CTNND2: variants seen among roughly 807,000 people sequenced by gnomAD.
CTNND2 encodes the protein catenin delta-2.
Under a neutral mutation model 144.4 loss-of-function variants are expected in CTNND2, and 22 were observed. The ratio of observed to expected loss-of-function variants is 0.15; its 90% confidence interval spans 0.11 to 0.22. CTNND2 has a LOEUF of 0.22. Among genes scored for constraint, CTNND2 ranks in the 10% least tolerant of loss-of-function variants. CTNND2 has a pLI of 1.00. For missense variants in CTNND2, 1,353 were observed against 1,618.8 expected (o/e 0.84, Z 2.82); for synonymous variants, 751 against 695.6 (o/e 1.08, Z -1.25).
chr5:11,439,668 G>A (rs1456309075), intron 3 of CTNND2, among the ~76,000 whole-genome samples: 1 of 151,884 alleles, frequency 6.6e-6, no homozygotes, highest in African/African-American at 2.4e-5. Flanking sequence ...CAGTAGCTAG[G>A]GGTACAAAAC....
Position 11,865,907 on chromosome 5 carries a change from A to AAAAAAC in CTNND2, c.37+37909_37+37910insGTTTTT, listed in dbSNP as rs1795745426. Among the ~76,000 whole-genome samples the AAAAAAC allele has an allele frequency of 1.3e-5, 2 of 149,406 alleles. 1 individual carries two copies. The highest frequency in any genetic ancestry group is 1.3e-4 in the Admixed American group (2 of 15,024). On this transcript the variant is annotated intron_variant, in intron 1 of 21. Coordinates refer to ENST00000304623, the MANE Select transcript of CTNND2 (RefSeq NM_001332.4). ...CCTTTAGAAGCTGGAAGAGACAAAAAAAAAAAAACGAGTTCTCCTCTAGAG... is the reference window on the plus strand; with the variant it reads ...CCTTTAGAAGCTGGAAGAGACAAAAAAAAAACAAAAAAAACGAGTTCTCCTCTAGAG...
In CTNND2 at chr5:11,639,617, C is replaced by G. The variant is rs1781889841; in HGVS notation, c.175-74561G>C. Among the ~76,000 whole-genome samples, 4 of 152,046 alleles carry G rather than the reference C, an allele frequency of 2.6e-5. No individual in the cohort carries two copies. In the South Asian group the frequency reaches 8.3e-4, roughly 32 times the overall value. On this transcript the variant is annotated intron_variant, in intron 2 of 21. Transcript: ENST00000304623. ...CATTGCTTAGTAAATACGGAAAATT[C>G]TGGTTAGGGAAAACAAACATACTAG...
chr5:11,629,978 T>C (rs560800283), intron 2 of CTNND2, among the ~76,000 whole-genome samples: 11 of 152,306 alleles, frequency 7.2e-5, no homozygotes, highest in African/African-American at 2.2e-4. Flanking sequence ...AAACTTTTTT[T>C]CCCCCAAATA....
At chr5:11,758,454 T>C (rs1010035461) in intron 1 of CTNND2, among the ~76,000 whole-genome samples, 2 of 152,018 alleles carry the variant, frequency 1.3e-5, no homozygotes, top group Non-Finnish European at 2.9e-5. Context: ...ATTCGTCCTG[T>C]CTAATGGAAA....
intron 10 of CTNND2, among the ~76,000 whole-genome samples, chr5:11,205,329 A>G (rs538519155): frequency 6.6e-6 from 1 of 152,224 alleles, no homozygotes; most frequent in Non-Finnish European, 1.5e-5. Flanking sequence ...ACTGGTTTAT[A>G]GAAAGAGCTG....
At chr5:11,598,056 A>T in intron 2 of CTNND2, among the ~76,000 whole-genome samples, 1 of 152,186 alleles carries the variant, frequency 6.6e-6, no homozygotes, top group Non-Finnish European at 1.5e-5. Context: ...GTTTAGCCTT[A>T]AAGTAAAATG....
chr5:11,116,191 G>A (rs1045064603), intron 13 of CTNND2, among the ~76,000 whole-genome samples: 11 of 152,186 alleles, frequency 7.2e-5, no homozygotes, highest in African/African-American at 2.7e-4. Context: ...TTCTAATAAA[G>A]AGTCAGAATG....
chr5:11,568,964 A>G (rs567325945), intron 2 of CTNND2, among the ~76,000 whole-genome samples: 2 of 152,232 alleles, frequency 1.3e-5, no homozygotes, highest in Non-Finnish European at 2.9e-5. Flanking sequence ...TAATTCAGCA[A>G]AAGTGAGACT....
intron 9 of CTNND2, among the ~76,000 whole-genome samples, chr5:11,302,427 A>G (rs1749706741): frequency 6.6e-6 from 1 of 152,014 alleles, no homozygotes; most frequent in Non-Finnish European, 1.5e-5. Flanking sequence ...CAACATAGGA[A>G]GTTATTCTCC....
At chr5:11,256,287 T>C (rs1261796478) in intron 9 of CTNND2, among the ~76,000 whole-genome samples, 3 of 152,202 alleles carry the variant, frequency 2.0e-5, no homozygotes, top group East Asian at 1.9e-4. Context: ...TAAAACCCAT[T>C]TGTGGGTCAC....
chr5:11,343,589 C>A (rs1289352146), intron 9 of CTNND2, among the ~76,000 whole-genome samples: 1 of 152,018 alleles, frequency 6.6e-6, no homozygotes, highest in African/African-American at 2.4e-5. Flanking sequence ...AATGTTCGTG[C>A]CAACATGTGC....
intron 8 of CTNND2, among the ~76,000 whole-genome samples, chr5:11,354,189 A>G (rs1269729894): frequency 6.6e-6 from 1 of 152,224 alleles, no homozygotes; most frequent in Non-Finnish European, 1.5e-5. Context: ...TTTTGCTCCC[A>G]AACATGAGCT....
At chr5:11,870,835 A>G (rs1451840343) in intron 1 of CTNND2, among the ~76,000 whole-genome samples, 1 of 152,186 alleles carries the variant, frequency 6.6e-6, no homozygotes, top group Non-Finnish European at 1.5e-5. Context: ...CTTATTACCT[A>G]CTGATAAGAC....
chr5:11,743,090 G>A (rs1788106807), intron 1 of CTNND2, among the ~76,000 whole-genome samples: 1 of 152,140 alleles, frequency 6.6e-6, no homozygotes, highest in African/African-American at 2.4e-5. Context: ...TATAGTAATA[G>A]TTGTCAAAAC....
chr5:11,895,094 C>T lies in CTNND2; in HGVS notation c.37+8723G>A, dbSNP rs545129484. 3.3e-5 allele frequency among the ~76,000 whole-genome samples: 5 copies of T among 152,106 alleles called. No individual in the cohort carries two copies. The South Asian group carries it at 1.0e-3, about 32-fold the overall frequency. ...CTAAAAACAGTGTCCTGGCTCTTCC[C>T]AACGAACTTGAACTTGAGAAATGAG... On this transcript the variant is annotated intron_variant, in intron 1 of 21. Coordinates refer to ENST00000304623, the MANE Select transcript of CTNND2 (RefSeq NM_001332.4).
At chr5:11,773,377 T>G (rs1016342953) in intron 1 of CTNND2, among the ~76,000 whole-genome samples, 52 of 152,226 alleles carry the variant, frequency 3.4e-4, no homozygotes, top group African/African-American at 1.2e-3. Context: ...ATTTAATAAG[T>G]ACAATAGTCA....
At chr5:11,697,142 T>C (rs911893056) in intron 2 of CTNND2, among the ~76,000 whole-genome samples, 4 of 152,210 alleles carry the variant, frequency 2.6e-5, no homozygotes, top group African/African-American at 9.7e-5. Flanking sequence ...CCAGAATAAA[T>C]ATGTAAATGT....
chr5:11,321,875 T>C (rs1318750140), intron 9 of CTNND2, among the ~76,000 whole-genome samples: 2 of 152,124 alleles, frequency 1.3e-5, no homozygotes, highest in Non-Finnish European at 2.9e-5. Context: ...GTGAGCTTCC[T>C]AAAGCTTAAC....
At chr5:11,316,507 A>C (rs1751511776) in intron 9 of CTNND2, among the ~76,000 whole-genome samples, 1 of 132,426 alleles carries the variant, frequency 7.6e-6, no homozygotes, top group Non-Finnish European at 1.6e-5. Context: ...TATTATTATT[A>C]TACTTTAAGT....
Sources: gnomAD v4.1 joint callset for allele counts (sites outside exome capture counted in the v4.1 genomes callset) on GRCh38, gnomAD v4.1.1 for gene constraint, MANE v1.5 for transcripts, NCBI Gene and HGNC (gene_info 2026-07-23, HGNC 2026-07-21) for gene names.